INPP4B: variants seen among roughly 807,000 people sequenced by gnomAD.
INPP4B encodes inositol polyphosphate 4-phosphatase type II.
INPP4B carries 55 observed loss-of-function variants against 122.5 expected under a neutral mutation model. That is an observed-to-expected ratio of 0.45 (90% CI 0.36 to 0.56). The LOEUF (loss-of-function observed/expected upper bound fraction) is 0.56, where lower values mean the gene tolerates loss of function less well. Among genes scored for constraint, INPP4B ranks in the 20% least tolerant of loss-of-function variants. The probability of loss-of-function intolerance (pLI) is 0.00; values close to 1 mark genes in which losing one functional copy is unlikely to be tolerated. For missense variants in INPP4B, 1,000 were observed against 1,097.7 expected (o/e 0.91, Z 1.26); for synonymous variants, 403 against 388.7 (o/e 1.04, Z -0.43).
chr4:142,694,542 A>C (rs185119506), intron 2 of INPP4B, among the ~76,000 whole-genome samples: 1 of 152,172 alleles, frequency 6.6e-6, no homozygotes, highest in Non-Finnish European at 1.5e-5. Context: ...CAGGCAGGTC[A>C]GATACTGTCT....
chr4:142,267,849 A>T, intron 10 of INPP4B, among the ~76,000 whole-genome samples: 1 of 152,180 alleles, frequency 6.6e-6, no homozygotes, highest in Admixed American at 6.5e-5. Context: ...TAAGAAACTC[A>T]ATAGCAAGAA....
At chr4:142,317,251 T>C in intron 7 of INPP4B, 1 of 340,620 alleles carries the variant, frequency 2.9e-6, no homozygotes, top group South Asian at 2.9e-5. Flanking sequence ...GCAGATTATG[T>C]GGACCATCAA....
intron 1 of INPP4B, among the ~76,000 whole-genome samples, chr4:142,835,513 A>G (rs1782675583): frequency 6.6e-6 from 1 of 152,226 alleles, no homozygotes; most frequent in African/African-American, 2.4e-5. Context: ...AAAAATGTCT[A>G]TAACTAGAAT....
chr4:142,516,854 C>T (rs113800713), intron 2 of INPP4B, among the ~76,000 whole-genome samples: 1 of 151,998 alleles, frequency 6.6e-6, no homozygotes, highest in Non-Finnish European at 1.5e-5. Flanking sequence ...ACAGTCCACC[C>T]TGGACTCTAG....
At chr4:142,341,036 G>A (rs2151690530) in intron 7 of INPP4B, among the ~76,000 whole-genome samples, 1 of 152,262 alleles carries the variant, frequency 6.6e-6, no homozygotes, top group Non-Finnish European at 1.5e-5. Flanking sequence ...ACACTATGAT[G>A]ATAACAATTA....
rs1439477244 is a variant in INPP4B at position 142,597,327 on chromosome 4, CTA to C, written c.-191+128510_-191+128511del. Among the ~76,000 whole-genome samples the C allele has an allele frequency of 2.4e-3, 366 of 152,310 alleles. 2 individuals are homozygous for C. Among genetic ancestry groups the C allele is most frequent in the African/African-American group, 7.5e-3 (313 of 41,570 alleles). ...CAATGAACTAACAGAACTATCTTAA[CTA>C]TGTGGATCAACGGTGACACCAGTTA... is the stretch of plus-strand genomic sequence containing the variant. On this transcript the variant is annotated intron_variant, in intron 2 of 25. Coordinates refer to ENST00000262992, the MANE Select transcript of INPP4B (RefSeq NM_001101669.3).
At chr4:142,490,774 A>G (rs993953151) in intron 2 of INPP4B, among the ~76,000 whole-genome samples, 8 of 152,034 alleles carry the variant, frequency 5.3e-5, no homozygotes, top group Admixed American at 5.2e-4. Context: ...TGACTTTATA[A>G]CTTTTTTAGA....
At chr4:142,284,198 G>C (rs1384256068) in intron 9 of INPP4B, among the ~76,000 whole-genome samples, 1 of 152,094 alleles carries the variant, frequency 6.6e-6, no homozygotes, top group Non-Finnish European at 1.5e-5. Context: ...CTCTGGTTCT[G>C]CTATAAAGAG....
At chr4:142,777,187 T>C (rs78500017) in intron 1 of INPP4B, among the ~76,000 whole-genome samples, 12,316 of 152,146 alleles carry the variant, frequency 0.081, 584 homozygotes, top group Middle Eastern at 0.13. Context: ...CTCCCCGCCT[T>C]GTGGTGTTAA....
At chr4:142,417,486 A>G (rs1316625997) in intron 5 of INPP4B, among the ~76,000 whole-genome samples, 1 of 152,050 alleles carries the variant, frequency 6.6e-6, no homozygotes, top group Non-Finnish European at 1.5e-5. Context: ...CCAATTAAAT[A>G]AAATGTGTGA....
chr4:142,358,175 GA>G (rs965191120), intron 7 of INPP4B, among the ~76,000 whole-genome samples: 10 of 151,796 alleles, frequency 6.6e-5, no homozygotes, highest in South Asian at 2.1e-4. Context: ...ATACTAATAT[GA>G]AAAAAATATT....
chr4:142,509,438 T>C (rs1824431483), intron 2 of INPP4B, among the ~76,000 whole-genome samples: 1 of 152,128 alleles, frequency 6.6e-6, no homozygotes, highest in Non-Finnish European at 1.5e-5. Context: ...CCATGTGTTC[T>C]CATTGTTCAA....
chr4:142,098,073 A>T (rs959700208), intron 23 of INPP4B, among the ~76,000 whole-genome samples: 1 of 152,138 alleles, frequency 6.6e-6, no homozygotes, highest in Admixed American at 6.6e-5. Flanking sequence ...GGTGTTTAAG[A>T]AAGGCCTTAC....
chr4:142,327,768 T>C (rs560681239), intron 7 of INPP4B, among the ~76,000 whole-genome samples: 2 of 152,278 alleles, frequency 1.3e-5, no homozygotes, highest in South Asian at 4.2e-4. Flanking sequence ...AAAACAACCC[T>C]GTGAGAAAAC....
intron 2 of INPP4B, among the ~76,000 whole-genome samples, chr4:142,582,076 T>C (rs1454565472): frequency 6.6e-6 from 1 of 151,928 alleles, no homozygotes; most frequent in Non-Finnish European, 1.5e-5. Context: ...CTGCTTCTCT[T>C]CCCAAACACA....
At chr4:142,359,092 A>C (rs1227644845) in intron 7 of INPP4B, among the ~76,000 whole-genome samples, 2 of 151,998 alleles carry the variant, frequency 1.3e-5, no homozygotes, top group South Asian at 4.1e-4. Context: ...CTGTATAGAA[A>C]GTAGCTGTTT....
intron 9 of INPP4B, among the ~76,000 whole-genome samples, chr4:142,298,868 A>T (rs1028560230): frequency 3.9e-5 from 6 of 152,136 alleles, no homozygotes; most frequent in African/African-American, 1.4e-4. Context: ...GTGAAGCAGA[A>T]ATAAAATCAT....
intron 2 of INPP4B, among the ~76,000 whole-genome samples, chr4:142,556,653 C>T (rs1729251654): frequency 6.6e-6 from 1 of 151,944 alleles, no homozygotes; most frequent in Admixed American, 6.6e-5. Context: ...TGGATGTTAA[C>T]CTTGAGAAGA....
intron 8 of INPP4B, among the ~76,000 whole-genome samples, chr4:142,309,554 T>G (rs542183557): frequency 6.6e-6 from 1 of 151,780 alleles, no homozygotes; most frequent in East Asian, 1.9e-4. Context: ...CTTACACATG[T>G]CACAGAACTA....
Sources: gnomAD v4.1 joint callset for allele counts (sites outside exome capture counted in the v4.1 genomes callset) on GRCh38, gnomAD v4.1.1 for gene constraint, MANE v1.5 for transcripts, NCBI Gene and HGNC (gene_info 2026-07-23, HGNC 2026-07-21) for gene names.